The following FSHR variants were observed in gnomAD, a reference collection of about 807,000 sequenced individuals.
FSHR encodes the protein follicle-stimulating hormone receptor.
FSHR carries 46 observed loss-of-function variants against 52.1 expected under a neutral mutation model. The ratio of observed to expected loss-of-function variants is 0.88; its 90% CI spans 0.70 to 1.13. FSHR has a LOEUF of 1.13. Among genes scored for constraint, FSHR ranks in the 50% most tolerant of loss-of-function variants. FSHR has a pLI of 0.00. For synonymous variants in FSHR, 399 were observed against 309.6 expected (o/e 1.29, Z -3.03); for missense variants, 964 against 834.6 (o/e 1.16, Z -1.91).
At chr2:49,144,237 T>C (rs1490846489) in intron 1 of FSHR, among the ~76,000 whole-genome samples, 1 of 152,142 alleles carries the variant, frequency 6.6e-6, no homozygotes, top group Non-Finnish European at 1.5e-5. Flanking sequence ...GATGCAGCAA[T>C]TCCCCAACAA....
chr2:49,023,134 A>G (rs1411201120), intron 2 of FSHR, among the ~76,000 whole-genome samples: 1 of 152,174 alleles, frequency 6.6e-6, no homozygotes, highest in African/African-American at 2.4e-5. Flanking sequence ...GTTTAGAAAA[A>G]TCTGCATTCC....
chr2:49,121,541 A>G (rs373686746), intron 1 of FSHR, among the ~76,000 whole-genome samples: 2 of 152,188 alleles, frequency 1.3e-5, no homozygotes, highest in African/African-American at 2.4e-5. Flanking sequence ...TTAGGTGTCT[A>G]CTAGATTCCA....
At chr2:49,134,592 A>G (rs550003135) in intron 1 of FSHR, among the ~76,000 whole-genome samples, 25 of 152,288 alleles carry the variant, frequency 1.6e-4, no homozygotes, top group African/African-American at 5.8e-4. Context: ...TATAAATCAT[A>G]CTGCTATCAA....
In FSHR at chr2:48,962,904, A is replaced by G. The variant is rs1674294784; in HGVS notation, c.1917T>C (p.Ile639=). ...FTKNFRRDFF[I]LLSKCGCYEM... The stretch of plus-strand genomic sequence containing the variant: ...CATAGCAGCCACACTTGCTCAGCAG[A>G]ATGAAGAAATCTCTGCGAAAGTTTT... Residue 639 remains isoleucine (I), a synonymous_variant, in exon 10 of 10, where the codon ATT becomes ATC. Transcript: ENST00000406846. 6.2e-7 allele frequency: 1 copy of G among 1,614,042 alleles called. No individual in the cohort carries two copies. Among genetic ancestry groups the G allele is most frequent in the Admixed American group, 1.7e-5 (1 of 60,000 alleles).
At chr2:49,114,253 G>A (rs1166760451) in intron 1 of FSHR, among the ~76,000 whole-genome samples, 3 of 152,166 alleles carry the variant, frequency 2.0e-5, no homozygotes, top group African/African-American at 7.2e-5. Flanking sequence ...CCACAGGGCT[G>A]AGCATTATCC....
chr2:49,124,297 G>A (rs1671923633), intron 1 of FSHR, among the ~76,000 whole-genome samples: 2 of 151,804 alleles, frequency 1.3e-5, no homozygotes, highest in South Asian at 2.1e-4. Context: ...ACCCGGCCGA[G>A]TTTTCTTTAA....
chr2:49,093,595 C>CCTTTTTTTTTTTTT (rs1553344384), intron 1 of FSHR, among the ~76,000 whole-genome samples: 1 of 132,944 alleles, frequency 7.5e-6, no homozygotes. Flanking sequence ...TTATATTTAT[C>CCTTTTTTTTTTTTT]TTTTTTTTTT....
At chr2:49,058,174 T>C (rs2104318299) in intron 2 of FSHR, among the ~76,000 whole-genome samples, 1 of 152,222 alleles carries the variant, frequency 6.6e-6, no homozygotes, top group South Asian at 2.1e-4. Flanking sequence ...CAAGAGCAAT[T>C]GGGCAAGAGG....
chr2:49,048,638 ACT>A (rs1668748265), intron 2 of FSHR, among the ~76,000 whole-genome samples: 1 of 152,052 alleles, frequency 6.6e-6, no homozygotes, highest in African/African-American at 2.4e-5. Flanking sequence ...CTCTGCCCAG[ACT>A]CTCTCAGAAC....
At chr2:49,061,930 A>G (rs765731124) in intron 2 of FSHR, among the ~76,000 whole-genome samples, 1 of 150,110 alleles carries the variant, frequency 6.7e-6, no homozygotes, top group Non-Finnish European at 1.5e-5. Flanking sequence ...ATTAATCCTA[A>G]AGGAAGAGAT....
chr2:49,081,873 G>A (rs1288984959), intron 1 of FSHR, among the ~76,000 whole-genome samples: 1 of 152,188 alleles, frequency 6.6e-6, no homozygotes, highest in Non-Finnish European at 1.5e-5. Context: ...CGGTTTAAAA[G>A]ATTCCATAGA....
At chr2:49,114,907 A>G (rs1671547063) in intron 1 of FSHR, among the ~76,000 whole-genome samples, 1 of 151,968 alleles carries the variant, frequency 6.6e-6, no homozygotes, top group Non-Finnish European at 1.5e-5. Context: ...GGATCCTTTG[A>G]AAGGTAAGAA....
chr2:49,020,766 G>T (rs1667664893), intron 2 of FSHR, among the ~76,000 whole-genome samples: 1 of 152,200 alleles, frequency 6.6e-6, no homozygotes. Flanking sequence ...GGCTTTGAGA[G>T]ATGAGAACTT....
rs1672150869 is a variant in FSHR at position 49,128,665 on chromosome 2, G to A, written c.152+25601C>T. 6.3e-5 allele frequency among the ~76,000 whole-genome samples: 9 copies of A among 143,856 alleles called. No individual in the cohort carries two copies. In the South Asian group the frequency reaches 1.7e-3, roughly 27 times the overall value. 94.4% of individuals were successfully genotyped at this position (143,856 alleles called of 152,430 possible). ...TTAAGCAGGGAGAATTGTCCAGGAA[G>A]GTGTTGAATAGTCTTTTTTTTTTTT... On this transcript the variant is annotated intron_variant, in intron 1 of 9. Transcript: ENST00000406846.
At chr2:49,010,698 A>G (rs1469376255) in intron 4 of FSHR, among the ~76,000 whole-genome samples, 2 of 151,878 alleles carry the variant, frequency 1.3e-5, no homozygotes, top group African/African-American at 4.8e-5. Flanking sequence ...TATTGCCACA[A>G]TTTCAGATCC....
intron 9 of FSHR, among the ~76,000 whole-genome samples, chr2:48,967,306 C>G (rs949992489): frequency 1.3e-5 from 2 of 151,970 alleles, no homozygotes; most frequent in African/African-American, 2.4e-5. Context: ...ACCATGTTAC[C>G]CAGGCTGGTC....
At chr2:48,986,047 C>T (rs886330638) in intron 6 of FSHR, among the ~76,000 whole-genome samples, 1 of 152,158 alleles carries the variant, frequency 6.6e-6, no homozygotes, top group Non-Finnish European at 1.5e-5. Flanking sequence ...GTAGTCTGCA[C>T]GTCATGGGGT....
Position 49,061,839 on chromosome 2 carries a change from A to ACTATATATGTTT in FSHR, c.224+6379_224+6380insAAACATATATAG, listed in dbSNP as rs1489977499. On this transcript the variant is annotated intron_variant, in intron 2 of 9. Coordinates refer to ENST00000406846, the MANE Select transcript of FSHR (RefSeq NM_000145.4). ...ATATATAACTATATATGTTTATATA[A>ACTATATATGTTT]ATATAAATATAAATATAATATATTT... Among the ~76,000 whole-genome samples the ACTATATATGTTT allele has an allele frequency of 2.8e-3, 319 of 113,326 alleles. 1 individual carries two copies. Among genetic ancestry groups the ACTATATATGTTT allele is most frequent in the Non-Finnish European group, 4.8e-3 (258 of 53,380 alleles). The allele number at this position is 113,326 out of a possible 152,430, so 74.3% of individuals were successfully genotyped here.
chr2:49,057,192 C>T (rs996077175), intron 2 of FSHR, among the ~76,000 whole-genome samples: 4 of 151,876 alleles, frequency 2.6e-5, no homozygotes, highest in African/African-American at 7.2e-5. Context: ...GAAATTAACA[C>T]TAAAATAATA....
Sources: allele counts gnomAD v4.1 joint callset (sites outside exome capture counted in the v4.1 genomes callset), GRCh38; gene constraint gnomAD v4.1.1; transcripts MANE v1.5; gene names NCBI Gene and HGNC (gene_info 2026-07-23, HGNC 2026-07-21).